DAB1: variants seen among roughly 807,000 people sequenced by gnomAD.
The protein encoded by DAB1 is DAB adaptor protein 1.
In DAB1, 15 loss-of-function variants were observed where a neutral mutation model predicts 64.6. That is an observed-to-expected ratio of 0.23 (90% confidence interval 0.16 to 0.36). The LOEUF is 0.36. DAB1 is among the 10% of genes least tolerant of loss of function. DAB1 has a pLI of 1.00. For synonymous variants in DAB1, 235 were observed against 251.9 expected (o/e 0.93, Z 0.64); for missense variants, 596 against 706.7 (o/e 0.84, Z 1.78).
At chr1:58,503,344 G>GAAAT (rs1237246790) in intron 3 of DAB1, among the ~76,000 whole-genome samples, 8 of 152,142 alleles carry the variant, frequency 5.3e-5, no homozygotes, top group African/African-American at 1.9e-4. Flanking sequence ...AGTTACTGAA[G>GAAAT]AAATACATAA....
In DAB1 at chr1:57,633,882, T is replaced by C. The variant is rs189496073; in HGVS notation, n.625+15710A>G. ...ACCTGGGAGTGACTGAACAATCTTT[T>C]AAAAATGATTAGGTCATATAACGTT... On this transcript the variant is annotated intron_variant and non_coding_transcript_variant, in intron 7 of 20. Transcript: ENST00000485760. Among the ~76,000 whole-genome samples the C allele has an allele frequency of 3.5e-3, 528 of 152,318 alleles. 2 individuals are homozygous for C. The highest frequency in any genetic ancestry group is 6.8e-3 in the Middle Eastern group (2 of 294).
At chr1:58,347,766 G>C (rs1195839580) in intron 3 of DAB1, among the ~76,000 whole-genome samples, 3 of 151,900 alleles carry the variant, frequency 2.0e-5, no homozygotes, top group Non-Finnish European at 4.4e-5. Context: ...GCTGACAGCA[G>C]GCAGTAGAAA....
chr1:58,433,639 G>C (rs1293676893), intron 3 of DAB1, among the ~76,000 whole-genome samples: 1 of 148,050 alleles, frequency 6.8e-6, no homozygotes, highest in African/African-American at 2.5e-5. Context: ...GTGTGTGCTT[G>C]TCTGTGTCTG....
At chr1:57,710,224 T>C (rs1647011860) in intron 6 of DAB1, among the ~76,000 whole-genome samples, 1 of 152,226 alleles carries the variant, frequency 6.6e-6, no homozygotes, top group African/African-American at 2.4e-5. Context: ...TACATTTCTC[T>C]GTGGACATCC....
At chr1:57,987,523 G>A (rs1646249399) in intron 5 of DAB1, among the ~76,000 whole-genome samples, 1 of 152,170 alleles carries the variant, frequency 6.6e-6, no homozygotes, top group Non-Finnish European at 1.5e-5. Context: ...ACTGAAGTGT[G>A]CCAAAAGTTA....
chr1:57,083,090 A>G (rs1652711455), intron 4 of DAB1, among the ~76,000 whole-genome samples: 1 of 152,206 alleles, frequency 6.6e-6, no homozygotes, highest in Non-Finnish European at 1.5e-5. Flanking sequence ...AGTTCCTGCT[A>G]TATGCTAGGC....
At chr1:57,845,418 G>C (rs1653237182) in intron 1 of DAB1, among the ~76,000 whole-genome samples, 1 of 152,190 alleles carries the variant, frequency 6.6e-6, no homozygotes, top group Admixed American at 6.5e-5. Flanking sequence ...ATTTCTGGTA[G>C]TCTTGCAGAT....
intron 7 of DAB1, among the ~76,000 whole-genome samples, chr1:57,458,865 T>C (rs1251297715): frequency 6.6e-6 from 1 of 152,068 alleles, no homozygotes; most frequent in African/African-American, 2.4e-5. Flanking sequence ...AAAATTGATG[T>C]TTAAAGACCA....
At chr1:58,218,988 ATT>A (rs1659002829) in intron 4 of DAB1, among the ~76,000 whole-genome samples, 1 of 79,600 alleles carries the variant, frequency 1.3e-5, no homozygotes, top group Non-Finnish European at 2.2e-5. Flanking sequence ...AATTCTGGCC[ATT>A]CTCTCTCTCT....
chr1:57,030,786 G>C (rs1462377516), intron 9 of DAB1, among the ~76,000 whole-genome samples: 1 of 152,142 alleles, frequency 6.6e-6, no homozygotes. Context: ...GATATTATTT[G>C]GTGAAGCTAT....
intron 2 of DAB1, among the ~76,000 whole-genome samples, chr1:57,180,898 G>T (rs1260894060): frequency 1.3e-5 from 2 of 152,146 alleles, no homozygotes; most frequent in Non-Finnish European, 2.9e-5. Flanking sequence ...TCTTTCATTG[G>T]CATGGTCATA....
At chr1:57,043,569 G>A (rs1648069091) in intron 9 of DAB1, among the ~76,000 whole-genome samples, 2 of 152,128 alleles carry the variant, frequency 1.3e-5, no homozygotes, top group Middle Eastern at 3.2e-3. Context: ...AGATGAGGCC[G>A]GGCGCGGCGG....
At chr1:57,706,402 G>A (rs573773601) in intron 6 of DAB1, among the ~76,000 whole-genome samples, 3 of 151,808 alleles carry the variant, frequency 2.0e-5, no homozygotes, top group Admixed American at 2.0e-4. Context: ...ACCTCCCCAG[G>A]CTCAGGTGAT....
chr1:57,766,852 C>T (rs763200927), intron 6 of DAB1, among the ~76,000 whole-genome samples: 1 of 126,180 alleles, frequency 7.9e-6, no homozygotes, highest in Non-Finnish European at 1.8e-5. Flanking sequence ...AGAGTTCCCA[C>T]GACCCCCTTT....
intron 3 of DAB1, among the ~76,000 whole-genome samples, chr1:58,425,040 A>G (rs531796483): frequency 1.3e-5 from 2 of 152,310 alleles, no homozygotes; most frequent in Non-Finnish European, 2.9e-5. Context: ...TATATCCCAG[A>G]ATCCCTTCCT....
chr1:58,007,453 G>T (rs1349442895), intron 5 of DAB1, among the ~76,000 whole-genome samples: 1 of 152,168 alleles, frequency 6.6e-6, no homozygotes, highest in African/African-American at 2.4e-5. Context: ...AACAGCCACA[G>T]ATGTAGACTT....
At chr1:57,720,997 C>T (rs544693068) in intron 6 of DAB1, among the ~76,000 whole-genome samples, 2 of 152,192 alleles carry the variant, frequency 1.3e-5, no homozygotes, top group African/African-American at 4.8e-5. Flanking sequence ...AGATAGGCAT[C>T]TGCAAATTGC....
chr1:57,162,929 G>C (rs1489502792), intron 2 of DAB1, among the ~76,000 whole-genome samples: 1 of 152,224 alleles, frequency 6.6e-6, no homozygotes, highest in African/African-American at 2.4e-5. Flanking sequence ...GGTTTAAGTA[G>C]AATGTGCTGG....
At chr1:57,368,754 C>G (rs1003877621) in intron 1 of DAB1, among the ~76,000 whole-genome samples, 6 of 152,092 alleles carry the variant, frequency 3.9e-5, no homozygotes, top group Non-Finnish European at 8.8e-5. Flanking sequence ...CTCATTCTTC[C>G]TAGACACAGG....
Sources: gnomAD v4.1 joint callset for allele counts (sites outside exome capture counted in the v4.1 genomes callset) on GRCh38, gnomAD v4.1.1 for gene constraint, MANE v1.5 for transcripts, NCBI Gene and HGNC (gene_info 2026-07-23, HGNC 2026-07-21) for gene names.